Variants in LIMCH1 observed in about 807,000 individuals in gnomAD.
The protein encoded by LIMCH1 is LIM and calponin homology domains-containing protein 1.
In LIMCH1, 113 loss-of-function variants were observed where a neutral mutation model predicts 176.5. The observed-to-expected ratio is 0.64, with a 90% CI of 0.55 to 0.75. LIMCH1 has a LOEUF of 0.75. Ranked by LOEUF, LIMCH1 falls within the 30% of genes least tolerant of loss-of-function variation. The probability of loss-of-function intolerance (pLI) is 0.00; values close to 1 mark genes in which losing one functional copy is unlikely to be tolerated. For synonymous variants in LIMCH1, 619 were observed against 645.9 expected, an observed-to-expected ratio of 0.96 and a Z score of 0.63; for missense variants, 1,674 against 1,814.9, an observed-to-expected ratio of 0.92 and a Z score of 1.41.
chr4:41,659,104 C>A (rs1200559311), intron 18 of LIMCH1, among the ~76,000 whole-genome samples: 1 of 152,100 alleles, frequency 6.6e-6, no homozygotes, highest in African/African-American at 2.4e-5. Context: ...ATCCTACTAC[C>A]ATGTTGGAGG....
At chr4:41,390,782 T>C (rs987766079) in intron 1 of LIMCH1, among the ~76,000 whole-genome samples, 2 of 152,158 alleles carry the variant, frequency 1.3e-5, no homozygotes, top group African/African-American at 2.4e-5. Context: ...ATATTACCTG[T>C]AAGTGTGGGC....
chr4:41,673,952 TC>T (rs1393938901), intron 22 of LIMCH1, among the ~76,000 whole-genome samples: 1 of 152,138 alleles, frequency 6.6e-6, no homozygotes, highest in African/African-American at 2.4e-5. Context: ...CCACACACAC[TC>T]AGGTGTAAGC....
chr4:41,562,264 C>T (rs1264765828), intron 1 of LIMCH1, among the ~76,000 whole-genome samples: 1 of 152,098 alleles, frequency 6.6e-6, no homozygotes, highest in Admixed American at 6.5e-5. Context: ...TTTATTTCAC[C>T]ATTAGTAGAG....
chr4:41,646,874 A>C lies in LIMCH1; in HGVS notation c.2801A>C (p.Asp934Ala). The change falls in exon 17 of 32, where the codon GAT (aspartate) becomes GCT (alanine). Residue 934 changes from aspartate (D) to alanine (A), a missense_variant. By Grantham distance (126) the Asp-to-Ala change is moderately radical. Coordinates refer to ENST00000503057, the MANE Select transcript of LIMCH1 (RefSeq NM_001330672.2). ...KPYSQPKNSQ[D>A]VLKTFKVDGK... ...TACTCCCAGCCCAAAAATTCTCAAG[A>C]TGTTCTGAAGACCTTTAAGGTAGGA... The C allele has an allele frequency of 1.2e-6, 2 of 1,613,738 alleles. No individual in the cohort carries two copies. Among genetic ancestry groups the C allele is most frequent in the Non-Finnish European group, 1.7e-6 (2 of 1,179,656 alleles).
chr4:41,620,686 GC>G lies in LIMCH1; in HGVS notation c.723del (p.Ser242ValfsTer5). The G allele has an allele frequency of 6.5e-7, 1 of 1,532,734 alleles. No individual in the cohort carries two copies. Among genetic ancestry groups the G allele is most frequent in the Non-Finnish European group, 8.7e-7 (1 of 1,144,944 alleles). The allele number at this position is 1,532,734 out of a possible 1,614,324, so 94.9% of individuals were successfully genotyped here. A position where few individuals can be genotyped will look rare whatever the true frequency, so the allele number is the denominator to read the frequency against. Reference protein sequence around the residue: ...IKVMPAAQRFASQKQLSEEKE... With the variant: ...IKVMPAAQRFXSQKQLSEEKE... ...GGTCATGCCAGCAGCACAGCGCTTT[GC>G]CAGGTCAGCTCTGGGCTGAGGGCTG... On this transcript the variant is annotated frameshift_variant, in exon 7 of 32. Coordinates refer to ENST00000503057, the MANE Select transcript of LIMCH1 (RefSeq NM_001330672.2). LOFTEE classifies it high-confidence loss of function.
At chr4:41,492,095 C>G (rs1189003186) in intron 1 of LIMCH1, among the ~76,000 whole-genome samples, 2 of 152,206 alleles carry the variant, frequency 1.3e-5, no homozygotes, top group African/African-American at 4.8e-5. Context: ...CACGCCACTG[C>G]ACTCCAGCCT....
intron 3 of LIMCH1, among the ~76,000 whole-genome samples, chr4:41,604,724 T>C (rs913581079): frequency 3.3e-5 from 5 of 152,168 alleles, no homozygotes; most frequent in African/African-American, 1.2e-4. Flanking sequence ...TATTTTATGG[T>C]CCTAGTTAAT....
chr4:41,497,793 G>T lies in LIMCH1; in HGVS notation c.167+3187G>T, dbSNP rs977065251. ...GTACTCCAGCCTGGGCAACAAGAGC[G>T]AAACTTCGTCTCAAAAAAAAAAAAA... On this transcript the variant is annotated intron_variant, in intron 2 of 26. Transcript: ENST00000313860. Among the ~76,000 whole-genome samples, 8 of 136,926 alleles carry T rather than the reference G, an allele frequency of 5.8e-5. No individual in the cohort carries two copies. In the Admixed American group the frequency reaches 5.9e-4, roughly 10 times the overall value. The allele number at this position is 136,926 out of a possible 152,430, so 89.8% of individuals were successfully genotyped here.
At chr4:41,533,938 C>T (rs997608386), upstream of LIMCH1, among the ~76,000 whole-genome samples, 3 of 152,088 alleles carry the variant, frequency 2.0e-5, no homozygotes, top group East Asian at 1.9e-4. Context: ...TGCAGCTGGA[C>T]GCAGAGTCCC....
chr4:41,463,389 T>C (rs1320516836), intron 1 of LIMCH1, among the ~76,000 whole-genome samples: 1 of 152,042 alleles, frequency 6.6e-6, no homozygotes, highest in Non-Finnish European at 1.5e-5. Flanking sequence ...TTAATGCTTT[T>C]CCCATTGGTA....
intron 3 of LIMCH1, among the ~76,000 whole-genome samples, chr4:41,531,172 T>A (rs1290867672): frequency 6.6e-6 from 1 of 152,124 alleles, no homozygotes; most frequent in African/African-American, 2.4e-5. Flanking sequence ...AACATTTGTT[T>A]GGAGACATCA....
chr4:41,410,766 T>TA (rs1482672726), intron 1 of LIMCH1, among the ~76,000 whole-genome samples: 2 of 152,208 alleles, frequency 1.3e-5, no homozygotes, highest in Admixed American at 6.5e-5. Context: ...GCTGGTTCAT[T>TA]AGCCCATCTT....
Position 41,697,368 on chromosome 4 carries a change from T to TA in LIMCH1, c.*183_*184insA. ...TTTATGTTTTTCCTGTTTATTGTTT[T>TA]GGTTTTTTTTTTTTTTTTGCATTTG... On this transcript the variant is annotated 3_prime_UTR_variant, in exon 32 of 32. Transcript: ENST00000503057. 7.1e-6 allele frequency: 4 copies of TA among 559,732 alleles called. No homozygotes were observed. Among genetic ancestry groups the TA allele is most frequent in the Non-Finnish European group, 9.4e-6 (3 of 320,306 alleles). The allele number at this position is 559,732 out of a possible 1,614,324, so 34.7% of individuals were successfully genotyped here.
At chr4:41,464,328 A>C (rs2065797942) in intron 1 of LIMCH1, among the ~76,000 whole-genome samples, 1 of 145,182 alleles carries the variant, frequency 6.9e-6, no homozygotes, top group African/African-American at 2.6e-5. Flanking sequence ...CATTCTTCGG[A>C]TTTCCACTCT....
chr4:41,552,709 G>A (rs952563586), intron 1 of LIMCH1, among the ~76,000 whole-genome samples: 1 of 152,084 alleles, frequency 6.6e-6, no homozygotes. Context: ...TCAGGAGCTT[G>A]GATAAAATAG....
chr4:41,480,432 C>T (rs570170082), intron 1 of LIMCH1, among the ~76,000 whole-genome samples: 2 of 152,184 alleles, frequency 1.3e-5, no homozygotes, highest in South Asian at 4.2e-4. Context: ...CATGGTGAAA[C>T]CCCGGCTCCA....
intron 1 of LIMCH1, among the ~76,000 whole-genome samples, chr4:41,553,120 C>T (rs1213405830): frequency 6.6e-6 from 1 of 152,164 alleles, no homozygotes; most frequent in Non-Finnish European, 1.5e-5. Context: ...GCCAGTTGGT[C>T]TCTGCGAGAT....
chr4:41,427,631 ATTGT>A (rs1479107447), intron 1 of LIMCH1, among the ~76,000 whole-genome samples: 8 of 152,202 alleles, frequency 5.3e-5, no homozygotes, highest in African/African-American at 1.9e-4. Context: ...ATCAATGTTG[ATTGT>A]TTGTTTTTCT....
chr4:41,363,614 G>T (rs1485387225), intron 1 of LIMCH1, among the ~76,000 whole-genome samples: 1 of 152,126 alleles, frequency 6.6e-6, no homozygotes, highest in Non-Finnish European at 1.5e-5. Flanking sequence ...GACGTAACTT[G>T]TTAGTGAGGA....
Sources: allele counts gnomAD v4.1 joint callset (sites outside exome capture counted in the v4.1 genomes callset), GRCh38; gene constraint gnomAD v4.1.1; transcripts MANE v1.5; gene names NCBI Gene and HGNC (gene_info 2026-07-23, HGNC 2026-07-21).